BPNT2: variants seen among roughly 807,000 people sequenced by gnomAD.
BPNT2 encodes the protein Golgi-resident adenosine 3',5'-bisphosphate 3'-phosphatase.
In BPNT2, 11 loss-of-function variants were observed where a neutral mutation model predicts 29.3. That is an observed-to-expected ratio of 0.38 (90% CI 0.24 to 0.62). The LOEUF (loss-of-function observed/expected upper bound fraction) is 0.62, where lower values mean the gene tolerates loss of function less well. Among genes scored for constraint, BPNT2 ranks in the 20% least tolerant of loss-of-function variants. The pLI, the probability that BPNT2 is intolerant of heterozygous loss-of-function variation, is 0.62. For missense variants in BPNT2, 459 were observed against 473.4 expected, an observed-to-expected ratio of 0.97 and a Z score of 0.28; for synonymous variants, 195 against 187.7, an observed-to-expected ratio of 1.04 and a Z score of -0.32.
At position 56,958,794 on chromosome 8, in the gene BPNT2, A is replaced by G. The variant is rs1009890723; in HGVS notation, c.*4999T>C. 2 of 152,210 alleles carry G rather than the reference A, an allele frequency of 1.3e-5. No individual in the cohort carries two copies. Among genetic ancestry groups the G allele is most frequent in the African/African-American group, 4.8e-5 (2 of 41,454 alleles). The allele number at this position is 152,210 out of a possible 1,614,324, so 9.4% of individuals were successfully genotyped here. On this transcript the variant is annotated 3_prime_UTR_variant, in exon 5 of 5. Coordinates refer to ENST00000262644, the MANE Select transcript of BPNT2 (RefSeq NM_017813.5). ...GGCAGAGCACTGTCTCTTCTGTGGG[A>G]CTGAAACAGCTAGCTTTGGCTACTG...
chr8:56,986,508 C>T (rs940725519), intron 1 of BPNT2, among the ~76,000 whole-genome samples: 9 of 152,176 alleles, frequency 5.9e-5, no homozygotes, highest in African/African-American at 2.2e-4. Context: ...GAATCAAATG[C>T]TTATGTAATA....
At chr8:56,967,568 C>T (rs1805972160) in intron 3 of BPNT2, among the ~76,000 whole-genome samples, 1 of 151,988 alleles carries the variant, frequency 6.6e-6, no homozygotes, top group African/African-American at 2.4e-5. Flanking sequence ...AGGATTTCTC[C>T]CCAGAAGGAA....
Position 56,963,707 on chromosome 8 carries a change from A to ATAGTC in BPNT2, c.*81_*85dup. On this transcript the variant is annotated 3_prime_UTR_variant, in exon 5 of 5. Coordinates refer to ENST00000262644, the MANE Select transcript of BPNT2 (RefSeq NM_017813.5). ...AAGTTCGGGATGGCCTTAACCATGCATAGTCTCCACCAATCCTTTGAAGCT... is the reference window on the plus strand; with the variant it reads ...AAGTTCGGGATGGCCTTAACCATGCATAGTCTAGTCTCCACCAATCCTTTGAAGCT... 1 of 1,486,432 alleles carries ATAGTC rather than the reference A, an allele frequency of 6.7e-7. No individual in the cohort carries two copies. Among genetic ancestry groups the ATAGTC allele is most frequent in the South Asian group, 1.1e-5 (1 of 87,930 alleles). 92.1% of individuals were successfully genotyped at this position (1,486,432 alleles called of 1,614,324 possible).
At chr8:56,967,221 G>A (rs1322764850) in intron 3 of BPNT2, 1 of 456,280 alleles carries the variant, frequency 2.2e-6, no homozygotes, top group Non-Finnish European at 4.4e-6. Flanking sequence ...ATTTCTGGCT[G>A]CAGAGAAAAA....
intron 1 of BPNT2, among the ~76,000 whole-genome samples, chr8:56,982,054 CA>C (rs1806253989): frequency 6.6e-6 from 1 of 151,986 alleles, no homozygotes; most frequent in Non-Finnish European, 1.5e-5. Flanking sequence ...TGAAACACCC[CA>C]AATTATCACA....
At chr8:56,979,602 G>A (rs1236838829) in intron 2 of BPNT2, among the ~76,000 whole-genome samples, 1 of 152,104 alleles carries the variant, frequency 6.6e-6, no homozygotes, top group Non-Finnish European at 1.5e-5. Context: ...TAGATAAACT[G>A]TAACATATAA....
At chr8:56,976,139 G>A (rs1038490632) in intron 3 of BPNT2, among the ~76,000 whole-genome samples, 12 of 152,126 alleles carry the variant, frequency 7.9e-5, no homozygotes, top group African/African-American at 2.9e-4. Flanking sequence ...AACCCTTAGT[G>A]GGAAATGTCC....
chr8:56,991,240 C>T lies in BPNT2; in HGVS notation c.387+1959G>A, dbSNP rs149032431. Among the ~76,000 whole-genome samples the T allele has an allele frequency of 6.2e-4, 95 of 152,320 alleles. 1 individual carries two copies. Among genetic ancestry groups the T allele is most frequent in the African/African-American group, 2.1e-3 (88 of 41,568 alleles). On this transcript the variant is annotated intron_variant, in intron 1 of 4. Coordinates refer to ENST00000262644, the MANE Select transcript of BPNT2 (RefSeq NM_017813.5). The stretch of plus-strand genomic sequence containing the variant: ...CACAAACCTCTTCTATTCCTTCAGT[C>T]ATGACCCAACATGAATACTACAGAA...
In BPNT2 at chr8:56,960,633, AATT is replaced by A. The variant is rs1388974950; in HGVS notation, c.*3157_*3159del. On this transcript the variant is annotated 3_prime_UTR_variant, in exon 5 of 5. Coordinates refer to ENST00000262644, the MANE Select transcript of BPNT2 (RefSeq NM_017813.5). ...CATGACCATCTTGTAGGTCCTTGTA[AATT>A]CAACTGAACTGGGGATACAAGTAGG... is the stretch of plus-strand genomic sequence containing the variant. 2 of 152,218 alleles carry A rather than the reference AATT, an allele frequency of 1.3e-5. No homozygotes were observed. The highest frequency in any genetic ancestry group is 2.4e-5 in the African/African-American group (1 of 41,464). 9.4% of individuals were successfully genotyped at this position (152,218 alleles called of 1,614,324 possible).
chr8:56,965,488 C>T (rs1320749364), intron 4 of BPNT2, among the ~76,000 whole-genome samples: 1 of 152,152 alleles, frequency 6.6e-6, no homozygotes, highest in Non-Finnish European at 1.5e-5. Flanking sequence ...AGTTGACAAA[C>T]AGCCCCTCAA....
intron 1 of BPNT2, among the ~76,000 whole-genome samples, chr8:56,982,970 G>A (rs1170281064): frequency 6.6e-6 from 1 of 152,094 alleles, no homozygotes; most frequent in Admixed American, 6.5e-5. Flanking sequence ...CTTTGTGAAA[G>A]CATCAACATA....
At chr8:56,971,790 C>CCG (rs1554539136) in intron 3 of BPNT2, among the ~76,000 whole-genome samples, 1 of 145,858 alleles carries the variant, frequency 6.9e-6, no homozygotes, top group African/African-American at 2.5e-5. Flanking sequence ...CCACCCCCCC[C>CCG]CCCACAATGC....
At chr8:56,968,595 C>G (rs1805986155) in intron 3 of BPNT2, among the ~76,000 whole-genome samples, 1 of 152,076 alleles carries the variant, frequency 6.6e-6, no homozygotes, top group African/African-American at 2.4e-5. Context: ...ACTTGTTGAG[C>G]CCAAGAGTTA....
At chr8:56,974,515 A>C (rs1259002741) in intron 3 of BPNT2, among the ~76,000 whole-genome samples, 1 of 152,218 alleles carries the variant, frequency 6.6e-6, no homozygotes, top group East Asian at 1.9e-4. Flanking sequence ...CCGATACTTA[A>C]CAACTGGTAT....
intron 1 of BPNT2, 104 bp downstream of exon 1, chr8:56,993,095 A>T (rs1383794570): frequency 1.3e-6 from 2 of 1,525,988 alleles, no homozygotes. Context: ...CAATTTCCAC[A>T]TCTACAAAAT....
At chr8:56,986,408 T>C (rs569510156) in intron 1 of BPNT2, among the ~76,000 whole-genome samples, 17 of 152,306 alleles carry the variant, frequency 1.1e-4, no homozygotes, top group African/African-American at 1.9e-4. Context: ...TACAGAATAG[T>C]AGGAGTGTTC....
chr8:56,978,300 A>C (rs906629154), intron 2 of BPNT2, among the ~76,000 whole-genome samples, 155 bp from the exon 3 acceptor site: 2 of 152,216 alleles, frequency 1.3e-5, no homozygotes, highest in African/African-American at 2.4e-5. Flanking sequence ...TCTGAGGGCA[A>C]GAGCCCCTTT....
chr8:56,986,827 T>C (rs574453983), intron 1 of BPNT2, among the ~76,000 whole-genome samples: 1 of 152,282 alleles, frequency 6.6e-6, no homozygotes, highest in Non-Finnish European at 1.5e-5. Flanking sequence ...ACAAGTATAG[T>C]TTCTTTACAA....
intron 3 of BPNT2, among the ~76,000 whole-genome samples, chr8:56,974,634 G>A (rs966914445): frequency 7.2e-5 from 11 of 152,108 alleles, no homozygotes; most frequent in African/African-American, 1.2e-4. Flanking sequence ...AATTCTAAAC[G>A]TATTGATTAT....
Sources: allele counts gnomAD v4.1 joint callset (sites outside exome capture counted in the v4.1 genomes callset), GRCh38; gene constraint gnomAD v4.1.1; transcripts MANE v1.5; gene names NCBI Gene and HGNC (gene_info 2026-07-23, HGNC 2026-07-21).